The following TRABD2B variants were observed in gnomAD, a reference collection of about 807,000 sequenced individuals.
The protein encoded by TRABD2B is TraB domain containing 2B.
In TRABD2B, 14 loss-of-function variants were observed where a neutral mutation model predicts 40.1. The observed-to-expected ratio is 0.35, with a 90% CI of 0.23 to 0.55. The LOEUF is 0.55. Ranked by LOEUF, TRABD2B falls within the 20% of genes least tolerant of loss-of-function variation. The pLI is 0.90. For missense variants in TRABD2B, 541 were observed against 648.6 expected (o/e 0.83, Z 1.80); for synonymous variants, 263 against 277.0 (o/e 0.95, Z 0.50).
At chr1:47,806,160 C>T (rs1490949006) in intron 2 of TRABD2B, among the ~76,000 whole-genome samples, 1 of 152,236 alleles carries the variant, frequency 6.6e-6, no homozygotes, top group African/African-American at 2.4e-5. Context: ...CTTGGTGCTT[C>T]CAACAGACAG....
chr1:47,786,391 G>T (rs1644595815), intron 4 of TRABD2B, among the ~76,000 whole-genome samples: 1 of 152,226 alleles, frequency 6.6e-6, no homozygotes, highest in Non-Finnish European at 1.5e-5. Context: ...TGGGCACTCT[G>T]TTCTTCTAGA....
chr1:47,873,719 G>A lies in TRABD2B; in HGVS notation c.667-72100C>T, dbSNP rs541251410. Among the ~76,000 whole-genome samples the A allele has an allele frequency of 2.6e-5, 4 of 152,238 alleles. No individual in the cohort carries two copies. In the East Asian group the frequency reaches 5.8e-4, roughly 22 times the overall value. On this transcript the variant is annotated intron_variant, in intron 2 of 6. Transcript: ENST00000606738. Reference sequence around the variant, plus strand: ...TGGTGGCCCTGTGAAGCCTGAGAGAGGACCACACCAAGAATCTATTGTGTG... The same window carrying A: ...TGGTGGCCCTGTGAAGCCTGAGAGAAGACCACACCAAGAATCTATTGTGTG...
At chr1:47,959,515 T>C (rs1645477817) in intron 2 of TRABD2B, among the ~76,000 whole-genome samples, 1 of 152,108 alleles carries the variant, frequency 6.6e-6, no homozygotes, top group African/African-American at 2.4e-5. Flanking sequence ...AATAAAAAAA[T>C]GATAAAGGGA....
At chr1:47,842,581 A>G (rs1645413269) in intron 2 of TRABD2B, among the ~76,000 whole-genome samples, 1 of 152,116 alleles carries the variant, frequency 6.6e-6, no homozygotes, top group African/African-American at 2.4e-5. Context: ...TCTATAACAC[A>G]ACAAGTACGC....
intron 2 of TRABD2B, among the ~76,000 whole-genome samples, chr1:47,987,436 G>A (rs1213184729): frequency 1.3e-5 from 2 of 152,048 alleles, no homozygotes; most frequent in Non-Finnish European, 2.9e-5. Flanking sequence ...ATTTATGGTT[G>A]GAGATTCTCT....
Position 47,766,025 on chromosome 1 carries a change from G to A in TRABD2B, c.1431C>T (p.Asp477=). The part of the protein sequence containing the change: ...GTAKPPFQLS[D]QLQQQDPPGP... ...CTGGCGGGTCCTGCTGTTGTAGCTG[G>A]TCTGAAAGCTGGAAGGGGGGCTTGG... Residue 477 remains aspartate (D), a synonymous_variant, in exon 7 of 7, where the codon GAC becomes GAT. Transcript: ENST00000606738. 2.9e-6 allele frequency: 2 copies of A among 695,946 alleles called. No individual in the cohort carries two copies. Among genetic ancestry groups the A allele is most frequent in the Non-Finnish European group, 5.2e-6 (2 of 381,282 alleles). 43.1% of individuals were successfully genotyped at this position (695,946 alleles called of 1,614,324 possible).
chr1:47,878,185 G>A (rs1357974269), intron 2 of TRABD2B, among the ~76,000 whole-genome samples: 1 of 151,958 alleles, frequency 6.6e-6, no homozygotes, highest in Non-Finnish European at 1.5e-5. Flanking sequence ...GTGTGGTGGC[G>A]AGCACCTGTA....
At chr1:47,792,470 G>A (rs557593688) in intron 4 of TRABD2B, among the ~76,000 whole-genome samples, 149 of 152,294 alleles carry the variant, frequency 9.8e-4, no homozygotes, top group Non-Finnish European at 1.8e-3. Flanking sequence ...GTGCCAGTGG[G>A]CATGGACAGA....
At chr1:47,809,052 C>A (rs1386890767) in intron 2 of TRABD2B, among the ~76,000 whole-genome samples, 1 of 152,144 alleles carries the variant, frequency 6.6e-6, no homozygotes, top group Non-Finnish European at 1.5e-5. Context: ...TTGCTCCCTG[C>A]CCAGGATCCC....
At chr1:47,945,611 A>T (rs908024448) in intron 2 of TRABD2B, among the ~76,000 whole-genome samples, 2 of 152,040 alleles carry the variant, frequency 1.3e-5, no homozygotes, top group Non-Finnish European at 2.9e-5. Flanking sequence ...ACAATCACTG[A>T]TGTTTTCTGT....
intron 2 of TRABD2B, among the ~76,000 whole-genome samples, chr1:47,815,524 C>A (rs1446528734): frequency 6.6e-6 from 1 of 152,302 alleles, no homozygotes; most frequent in Middle Eastern, 3.4e-3. Context: ...AGGGACCCAC[C>A]AGGTCAGAAA....
chr1:47,874,562 G>C (rs1275282865), intron 2 of TRABD2B, among the ~76,000 whole-genome samples: 1 of 126,640 alleles, frequency 7.9e-6, no homozygotes, highest in East Asian at 2.7e-4. Flanking sequence ...GTGAGCCACC[G>C]CGCCCGGCCT....
intron 4 of TRABD2B, among the ~76,000 whole-genome samples, chr1:47,781,931 C>T (rs538486779): frequency 6.6e-6 from 1 of 152,248 alleles, no homozygotes; most frequent in Non-Finnish European, 1.5e-5. Flanking sequence ...CTCTGTACTT[C>T]TCTCACTGCC....
intron 2 of TRABD2B, among the ~76,000 whole-genome samples, chr1:47,954,821 C>T (rs1645395339): frequency 6.6e-6 from 1 of 152,132 alleles, no homozygotes; most frequent in Non-Finnish European, 1.5e-5. Context: ...GAGGCTGCCA[C>T]ATCTCCTCTT....
At chr1:47,795,222 T>C (rs1263027434) in intron 3 of TRABD2B, among the ~76,000 whole-genome samples, 2 of 152,314 alleles carry the variant, frequency 1.3e-5, no homozygotes, top group African/African-American at 4.8e-5. Flanking sequence ...AGATAAGCAT[T>C]GTTATTCCAG....
At chr1:47,954,206 G>A (rs762390570) in intron 2 of TRABD2B, among the ~76,000 whole-genome samples, 5 of 152,162 alleles carry the variant, frequency 3.3e-5, no homozygotes, top group Non-Finnish European at 7.4e-5. Context: ...AGCTGGAAGT[G>A]TGGGGTATGT....
intron 6 of TRABD2B, among the ~76,000 whole-genome samples, chr1:47,769,757 G>T (rs1644354690): frequency 6.6e-6 from 1 of 152,270 alleles, no homozygotes; most frequent in Non-Finnish European, 1.5e-5. Flanking sequence ...CCAAAGTGGG[G>T]AAGAGGCCCT....
intron 2 of TRABD2B, among the ~76,000 whole-genome samples, chr1:47,824,820 G>A (rs1645154152): frequency 6.6e-6 from 1 of 152,190 alleles, no homozygotes; most frequent in East Asian, 1.9e-4. Context: ...AGTTACCAGA[G>A]TGGCACATCA....
At chr1:47,917,662 A>G (rs1273602269) in intron 2 of TRABD2B, among the ~76,000 whole-genome samples, 2 of 151,776 alleles carry the variant, frequency 1.3e-5, no homozygotes, top group African/African-American at 4.8e-5. Context: ...TGAGTCCAGG[A>G]GTTTGAGGCT....
Sources: allele counts gnomAD v4.1 joint callset (sites outside exome capture counted in the v4.1 genomes callset), GRCh38; gene constraint gnomAD v4.1.1; transcripts MANE v1.5; gene names NCBI Gene and HGNC (gene_info 2026-07-23, HGNC 2026-07-21).